The following SLC30A8 variants were observed in gnomAD, a reference collection of about 807,000 sequenced individuals.
SLC30A8 encodes the protein proton-coupled zinc antiporter SLC30A8.
SLC30A8 carries 27 observed loss-of-function variants against 36.9 expected under a neutral mutation model. That is an observed-to-expected ratio of 0.73 (90% CI 0.54 to 1.01). The LOEUF (loss-of-function observed/expected upper bound fraction) is 1.01, where lower values mean the gene tolerates loss of function less well. Ranked by LOEUF, SLC30A8 falls within the 50% of genes least tolerant of loss-of-function variation. SLC30A8 has a pLI of 0.00. For synonymous variants in SLC30A8, 164 were observed against 172.4 expected, an observed-to-expected ratio of 0.95 and a Z score of 0.38; for missense variants, 439 against 452.0, an observed-to-expected ratio of 0.97 and a Z score of 0.26.
intron 1 of SLC30A8, among the ~76,000 whole-genome samples, chr8:116,989,818 G>T (rs752112001): frequency 9.2e-5 from 14 of 152,116 alleles, no homozygotes; most frequent in Non-Finnish European, 1.9e-4. Context: ...CTTCTTCCTG[G>T]GCCCAATGGT....
chr8:116,957,715 A>G (rs1174083223), intron 1 of SLC30A8, among the ~76,000 whole-genome samples: 2 of 152,176 alleles, frequency 1.3e-5, no homozygotes, highest in African/African-American at 4.8e-5. Context: ...TGAGAGGATC[A>G]TTCTTGCTGA....
At chr8:116,968,718 A>G (rs531988017) in intron 1 of SLC30A8, among the ~76,000 whole-genome samples, 2 of 152,112 alleles carry the variant, frequency 1.3e-5, no homozygotes, top group African/African-American at 4.8e-5. Context: ...ACCTTCTGCC[A>G]CAATGACTAT....
Position 116,958,341 on chromosome 8 carries a change from A to AT in SLC30A8, c.-266+7234dup, listed in dbSNP as rs11296037. Among the ~76,000 whole-genome samples the AT allele has an allele frequency of 3.6e-3, 532 of 147,568 alleles. 3 individuals carry two copies. The highest frequency in any genetic ancestry group is 0.012 in the African/African-American group (480 of 40,178). ...TAATGCCTGAATTATTTCCTTTAAC[A>AT]TTTTTTTTTTTTGTAGTGCAGGTAA... On this transcript the variant is annotated intron_variant, in intron 1 of 10. Transcript: ENST00000427715.
chr8:117,048,740 G>GTATT (rs1450474475), intron 2 of SLC30A8, among the ~76,000 whole-genome samples: 1 of 152,204 alleles, frequency 6.6e-6, no homozygotes, highest in Non-Finnish European at 1.5e-5. Context: ...TGCTCAACAA[G>GTATT]TATTTGTTGA....
chr8:116,969,835 A>T (rs188405749), intron 1 of SLC30A8, among the ~76,000 whole-genome samples: 2 of 152,332 alleles, frequency 1.3e-5, no homozygotes, highest in Admixed American at 1.3e-4. Context: ...TGCAGGACTG[A>T]AAGTTGTTCT....
chr8:116,955,226 G>C (rs1814147582), intron 1 of SLC30A8, among the ~76,000 whole-genome samples: 1 of 152,146 alleles, frequency 6.6e-6, no homozygotes, highest in East Asian at 1.9e-4. Flanking sequence ...TTGGAAATAG[G>C]GTCTTTGCAG....
Position 117,163,506 on chromosome 8 carries a change from G to C in SLC30A8, c.805G>C (p.Asp269His), listed in dbSNP as rs746834620. 1.9e-6 allele frequency: 3 copies of C among 1,612,826 alleles called. No individual in the cohort carries two copies. The highest frequency in any genetic ancestry group is 2.5e-6 in the Non-Finnish European group (3 of 1,179,342). Residue 269 changes from aspartate to histidine, a missense_variant, in exon 6 of 8, where the codon GAC (aspartate) becomes CAC (histidine). Asp to His is a moderately conservative substitution (Grantham distance 81). Coordinates refer to ENST00000456015, the MANE Select transcript of SLC30A8 (RefSeq NM_173851.3). Reference sequence around the variant, plus strand: ...GGCCAGCACCATCACTATCTTAAAGGACTTCTCCATCTTACTCATGGAAGG... The same window carrying C: ...GGCCAGCACCATCACTATCTTAAAGCACTTCTCCATCTTACTCATGGAAGG... ...VLASTITILK[D>H]FSILLMEGVP...
At chr8:117,099,156 C>T (rs551292155) in intron 2 of SLC30A8, among the ~76,000 whole-genome samples, 54 of 152,282 alleles carry the variant, frequency 3.5e-4, no homozygotes, top group Non-Finnish European at 5.7e-4. Flanking sequence ...GGAATGCCTA[C>T]AGCCAAACCA....
At chr8:117,162,813 A>G (rs1355700936) in intron 5 of SLC30A8, among the ~76,000 whole-genome samples, 1 of 152,230 alleles carries the variant, frequency 6.6e-6, no homozygotes, top group Admixed American at 6.5e-5. Flanking sequence ...TTTCTGTGGC[A>G]TAGAACTTTC....
intron 1 of SLC30A8, among the ~76,000 whole-genome samples, chr8:117,014,701 T>G (rs1475500045): frequency 6.6e-6 from 1 of 152,184 alleles, no homozygotes; most frequent in East Asian, 1.9e-4. Context: ...CTGGCAAATA[T>G]CAGAGAGCTG....
intron 2 of SLC30A8, among the ~76,000 whole-genome samples, chr8:117,113,783 G>A (rs771183989): frequency 6.6e-6 from 1 of 152,064 alleles, no homozygotes; most frequent in Non-Finnish European, 1.5e-5. Context: ...AAAAACTTTG[G>A]GGTATGGCAT....
At chr8:117,124,497 C>T (rs1438153856) in intron 2 of SLC30A8, among the ~76,000 whole-genome samples, 1 of 151,778 alleles carries the variant, frequency 6.6e-6, no homozygotes, top group Non-Finnish European at 1.5e-5. Context: ...CAGGCAAAAT[C>T]AGAGCTGTGG....
chr8:117,153,612 G>C (rs1822305510), intron 3 of SLC30A8, among the ~76,000 whole-genome samples: 1 of 151,768 alleles, frequency 6.6e-6, no homozygotes, highest in Admixed American at 6.6e-5. Context: ...AAAAGGAGGA[G>C]GAGAAGGAAG....
intron 1 of SLC30A8, chr8:117,007,030 T>G (rs1816205668): frequency 7.8e-6 from 1 of 127,972 alleles, no homozygotes; most frequent in African/African-American, 2.9e-5. Context: ...GGTCTTGAAC[T>G]CCTGACCTCA....
chr8:117,013,459 T>G (rs994808311), intron 1 of SLC30A8, among the ~76,000 whole-genome samples: 1 of 152,142 alleles, frequency 6.6e-6, no homozygotes, highest in Admixed American at 6.6e-5. Context: ...AGGCACCCCT[T>G]TTGAGCAGCA....
At chr8:116,979,607 A>G (rs1815187195) in intron 1 of SLC30A8, among the ~76,000 whole-genome samples, 1 of 152,182 alleles carries the variant, frequency 6.6e-6, no homozygotes, top group Non-Finnish European at 1.5e-5. Context: ...CAGTGTCCTC[A>G]GGGGACTGTC....
intron 1 of SLC30A8, among the ~76,000 whole-genome samples, chr8:117,012,773 A>G (rs1400709460): frequency 7.2e-6 from 1 of 138,754 alleles, no homozygotes; most frequent in African/African-American, 2.6e-5. Context: ...TGGATCCTCA[A>G]ATAGATTGTA....
chr8:117,065,041 C>A (rs1818127665), intron 2 of SLC30A8, among the ~76,000 whole-genome samples: 1 of 152,178 alleles, frequency 6.6e-6, no homozygotes, highest in Non-Finnish European at 1.5e-5. Flanking sequence ...TTTGACCTCA[C>A]TGTGTTAATC....
intron 1 of SLC30A8, among the ~76,000 whole-genome samples, chr8:117,012,157 G>A (rs1300420062): frequency 6.6e-6 from 1 of 152,118 alleles, no homozygotes; most frequent in Non-Finnish European, 1.5e-5. Flanking sequence ...AGCATATGCT[G>A]TTTGGAGTTT....
Sources: gnomAD v4.1 joint callset for allele counts (sites outside exome capture counted in the v4.1 genomes callset) on GRCh38, gnomAD v4.1.1 for gene constraint, MANE v1.5 for transcripts, NCBI Gene and HGNC (gene_info 2026-07-23, HGNC 2026-07-21) for gene names.